The following SLC24A2 variants were observed in gnomAD, a reference collection of about 807,000 sequenced individuals.
SLC24A2 encodes the protein solute carrier family 24 member 2, also known as sodium/potassium/calcium exchanger 2.
Under a neutral mutation model 62.0 loss-of-function variants are expected in SLC24A2, and 36 were observed. That is an observed-to-expected ratio of 0.58 (90% CI 0.44 to 0.77). The LOEUF is 0.77. Ranked by LOEUF, SLC24A2 falls within the 30% of genes least tolerant of loss-of-function variation. SLC24A2 has a pLI of 0.00. For synonymous variants in SLC24A2, 358 were observed against 294.0 expected (o/e 1.22, Z -2.23); for missense variants, 846 against 817.9 (o/e 1.03, Z -0.42).
chr9:19,996,805 C>G, the SLC24A2 span, among the ~76,000 whole-genome samples: 9 of 151,622 alleles, frequency 5.9e-5, no homozygotes, highest in Non-Finnish European at 5.9e-5. Context: ...TTCACACCCT[C>G]CATAACGAGT....
the SLC24A2 span, among the ~76,000 whole-genome samples, chr9:20,103,440 G>A: frequency 6.6e-6 from 1 of 152,186 alleles, no homozygotes; most frequent in Non-Finnish European, 1.5e-5. Flanking sequence ...CTAACTGGGA[G>A]GCACCCCCCA....
At chr9:19,578,569 G>A (rs1266621530) in intron 5 of SLC24A2, among the ~76,000 whole-genome samples, 5 of 146,928 alleles carry the variant, frequency 3.4e-5, no homozygotes, top group East Asian at 2.0e-4. Flanking sequence ...TTTTTTTTCC[G>A]GCTTGTGTTC....
chr9:19,620,311 T>A (rs1817878119), intron 3 of SLC24A2, among the ~76,000 whole-genome samples: 1 of 152,226 alleles, frequency 6.6e-6, no homozygotes, highest in African/African-American at 2.4e-5. Flanking sequence ...GAAGTGCTAA[T>A]ATTTTCTCCT....
the SLC24A2 span, among the ~76,000 whole-genome samples, chr9:20,169,993 A>G: frequency 2.0e-5 from 3 of 152,074 alleles, no homozygotes; most frequent in Non-Finnish European, 2.9e-5. Flanking sequence ...AAAAACAATC[A>G]GAACTTCAGG....
chr9:20,234,724 C>A, the SLC24A2 span, among the ~76,000 whole-genome samples: 1 of 152,234 alleles, frequency 6.6e-6, no homozygotes, highest in African/African-American at 2.4e-5. Flanking sequence ...CTTCTCTCAA[C>A]TCGTCAAAGT....
At chr9:20,202,023 T>C in the SLC24A2 span, among the ~76,000 whole-genome samples, 1 of 151,654 alleles carries the variant, frequency 6.6e-6, no homozygotes, top group African/African-American at 2.4e-5. Context: ...GCCAGAATCT[T>C]TTTCTAGCCA....
chr9:20,126,880 G>A, the SLC24A2 span, among the ~76,000 whole-genome samples: 8 of 152,086 alleles, frequency 5.3e-5, no homozygotes, highest in Admixed American at 2.0e-4. Flanking sequence ...TGTCTATAGG[G>A]TATATCATAT....
At chr9:20,216,472 C>T in the SLC24A2 span, among the ~76,000 whole-genome samples, 30 of 152,124 alleles carry the variant, frequency 2.0e-4, no homozygotes. Flanking sequence ...TAATAAAGCT[C>T]TTACTGTCTT....
chr9:19,859,459 C>T, the SLC24A2 span, among the ~76,000 whole-genome samples: 2 of 152,150 alleles, frequency 1.3e-5, no homozygotes, highest in South Asian at 2.1e-4. Context: ...TGCAGTTTAC[C>T]TATGCAACAA....
At chr9:20,278,105 G>T in the SLC24A2 span, among the ~76,000 whole-genome samples, 3 of 152,056 alleles carry the variant, frequency 2.0e-5, no homozygotes, top group African/African-American at 7.3e-5. Flanking sequence ...GGGAGGGGGA[G>T]GGATAGCATT....
chr9:19,667,887 C>T (rs1159623222), intron 2 of SLC24A2, among the ~76,000 whole-genome samples: 2 of 152,200 alleles, frequency 1.3e-5, no homozygotes, highest in African/African-American at 4.8e-5. Flanking sequence ...AAACCCGCTG[C>T]TAGTTCTGAT....
intron 2 of SLC24A2, among the ~76,000 whole-genome samples, chr9:19,778,508 T>G (rs147672518): frequency 6.6e-6 from 1 of 152,194 alleles, no homozygotes; most frequent in East Asian, 1.9e-4. Flanking sequence ...ATGTGTCTAT[T>G]TGAGTCTTGG....
At chr9:20,264,181 C>A in the SLC24A2 span, among the ~76,000 whole-genome samples, 2 of 152,126 alleles carry the variant, frequency 1.3e-5, no homozygotes, top group African/African-American at 4.8e-5. Context: ...AGGAACAACA[C>A]CTCTGTTGAA....
At chr9:20,130,349 G>C in the SLC24A2 span, among the ~76,000 whole-genome samples, 2 of 152,004 alleles carry the variant, frequency 1.3e-5, no homozygotes, top group Admixed American at 1.3e-4. Context: ...AAAATAGATG[G>C]CACGATGGAA....
the SLC24A2 span, among the ~76,000 whole-genome samples, chr9:20,230,003 G>A: frequency 3.3e-5 from 5 of 151,302 alleles, no homozygotes; most frequent in African/African-American, 1.2e-4. Context: ...TTGTCCTTGT[G>A]ATAGTTTGCT....
the SLC24A2 span, among the ~76,000 whole-genome samples, chr9:19,883,781 G>A: frequency 6.6e-6 from 1 of 152,074 alleles, no homozygotes; most frequent in Non-Finnish European, 1.5e-5. Context: ...TAGCCAGGAT[G>A]GTCTTGATCT....
chr9:20,266,270 C>T, the SLC24A2 span, among the ~76,000 whole-genome samples: 2 of 152,170 alleles, frequency 1.3e-5, no homozygotes, highest in Non-Finnish European at 2.9e-5. Context: ...AACCTACTGA[C>T]ATGTGATGTC....
At chr9:19,563,824 TCCTCCCTCCCTCCCTCCCTCCCTCCCTC>T (rs1195536577) in intron 7 of SLC24A2, among the ~76,000 whole-genome samples, 7 of 76,580 alleles carry the variant, frequency 9.1e-5, no homozygotes, top group Admixed American at 2.7e-4. Context: ...CTTCCTTCCT[TCCTCCCTCCCTCCCTCCCTCCCTCCCTC>T]CCTCCCTCCC....
chr9:19,517,717 G>T (rs1456515017), intron 10 of SLC24A2, among the ~76,000 whole-genome samples: 1 of 152,020 alleles, frequency 6.6e-6, no homozygotes, highest in Non-Finnish European at 1.5e-5. Context: ...GGGAACAAGG[G>T]GTAATTCCAG....
Sources: gnomAD v4.1 joint callset for allele counts (sites outside exome capture counted in the v4.1 genomes callset) on GRCh38, gnomAD v4.1.1 for gene constraint, MANE v1.5 for transcripts, NCBI Gene and HGNC (gene_info 2026-07-23, HGNC 2026-07-21) for gene names.